CAV3: variants seen among roughly 807,000 people sequenced by gnomAD.
The protein encoded by CAV3 is caveolin 3, also known as caveolin-3.
In CAV3, 10 loss-of-function variants were observed where a neutral mutation model predicts 13.4. That is an observed-to-expected ratio of 0.75 (90% CI 0.46 to 1.27). The LOEUF (loss-of-function observed/expected upper bound fraction) is 1.27, where lower values mean the gene tolerates loss of function less well. Ranked by LOEUF, CAV3 falls within the 50% of genes most tolerant of loss-of-function variation. The pLI is 0.00. For synonymous variants in CAV3, 90 were observed against 79.0 expected, an observed-to-expected ratio of 1.14 and a Z score of -0.74; for missense variants, 162 against 194.0, an observed-to-expected ratio of 0.83 and a Z score of 0.98.
At chr3:8,743,418 A>AAGCCAGCCAGCC (rs1708042890) in intron 1 of CAV3, among the ~76,000 whole-genome samples, 1 of 152,126 alleles carries the variant, frequency 6.6e-6, no homozygotes, top group Non-Finnish European at 1.5e-5. Flanking sequence ...CACCTCCTGG[A>AAGCCAGCCAGCC]AGCCCTCCAA....
chr3:8,734,079 A>T, intron 1 of CAV3, 89 bp downstream of exon 1: 1 of 752,094 alleles, frequency 1.3e-6, no homozygotes, highest in Non-Finnish European at 2.4e-6. Flanking sequence ...TGCTGCAGAC[A>T]CAGTTTCCCT....
At chr3:8,741,941 C>T (rs1352220874) in intron 1 of CAV3, among the ~76,000 whole-genome samples, 5 of 152,178 alleles carry the variant, frequency 3.3e-5, no homozygotes, top group Non-Finnish European at 7.3e-5. Flanking sequence ...AGAATGTGCA[C>T]CATCGTTCCC....
At chr3:8,743,697 A>T (rs1483207870) in intron 1 of CAV3, among the ~76,000 whole-genome samples, 1 of 152,096 alleles carries the variant, frequency 6.6e-6, no homozygotes, top group African/African-American at 2.4e-5. Flanking sequence ...GCACAGGGGG[A>T]TCAGGGACCT....
chr3:8,742,096 T>C (rs552160456), intron 1 of CAV3, among the ~76,000 whole-genome samples: 19 of 152,296 alleles, frequency 1.2e-4, no homozygotes, highest in African/African-American at 4.6e-4. Context: ...AGTCACCGTA[T>C]GCTTGTGCTG....
At chr3:8,742,122 T>C (rs1372428072) in intron 1 of CAV3, among the ~76,000 whole-genome samples, 1 of 152,156 alleles carries the variant, frequency 6.6e-6, no homozygotes, top group East Asian at 1.9e-4. Flanking sequence ...TACAGCTGCC[T>C]AGAGCTGCCT....
intron 1 of CAV3, among the ~76,000 whole-genome samples, chr3:8,737,463 A>G (rs908988288): frequency 1.3e-5 from 2 of 152,024 alleles, no homozygotes; most frequent in African/African-American, 4.8e-5. Flanking sequence ...CCCCCAGTAG[A>G]GGGGAGGCAC....
rs1379980456 is a variant in CAV3 at position 8,746,058 on chromosome 3, G to C, written c.*191G>C. On this transcript the variant is annotated 3_prime_UTR_variant, in exon 2 of 2. Transcript: ENST00000343849. ...AGCCACAGAAGCACAATGGCCCTTC[G>C]CTCTCCCCCAGCCCCACCATGATGC... 3.4e-6 allele frequency: 2 copies of C among 582,998 alleles called. No homozygotes were observed. The highest frequency in any genetic ancestry group is 6.0e-5 in the Admixed American group (2 of 33,392). The allele number at this position is 582,998 out of a possible 1,614,324, so 36.1% of individuals were successfully genotyped here.
chr3:8,746,035 C>G lies in CAV3; in HGVS notation c.*168C>G, dbSNP rs1398950144. ...AAGCCAGAAAGAAAAGACGGCCCAG[C>G]CACAGAAGCACAATGGCCCTTCGCT... On this transcript the variant is annotated 3_prime_UTR_variant, in exon 2 of 2. Coordinates refer to ENST00000343849, the MANE Select transcript of CAV3 (RefSeq NM_033337.3). The G allele has an allele frequency of 1.7e-6, 1 of 605,386 alleles. No individual in the cohort carries two copies. 37.5% of individuals were successfully genotyped at this position (605,386 alleles called of 1,614,324 possible).
At chr3:8,743,548 C>G (rs1016427511) in intron 1 of CAV3, among the ~76,000 whole-genome samples, 2 of 152,136 alleles carry the variant, frequency 1.3e-5, no homozygotes, top group African/African-American at 4.8e-5. Flanking sequence ...AAGCTGGGGG[C>G]CAAGATTATA....
intron 1 of CAV3, among the ~76,000 whole-genome samples, chr3:8,739,909 G>A (rs571130996): frequency 6.6e-6 from 1 of 152,134 alleles, no homozygotes; most frequent in East Asian, 1.9e-4. Flanking sequence ...TGGTGGCTGA[G>A]GCTGCAATCA....
In CAV3 at chr3:8,745,781, T is replaced by C. The variant is rs1428912621; in HGVS notation, c.370T>C (p.Cys124Arg). Residue 124 changes from cysteine to arginine, a missense_variant, in exon 2 of 2, where the codon TGC (cysteine) becomes CGC (arginine). By Grantham distance (180) the Cys-to-Arg change is radical. Coordinates refer to ENST00000343849, the MANE Select transcript of CAV3 (RefSeq NM_033337.3). This position sits in a 1 kb window ranked among gnomAD's most constrained non-coding sequence, Gnocchi z 4.8. The stretch of plus-strand genomic sequence containing the variant: ...GTGCATCAGCCACATCTACTCACTC[T>C]GCATCCGCACCTTCTGCAACCCACT... ...IQCISHIYSL[C>R]IRTFCNPLFA... The C allele has an allele frequency of 6.2e-7, 1 of 1,613,972 alleles. No individual in the cohort carries two copies. Among genetic ancestry groups the C allele is most frequent in the African/African-American group, 1.3e-5 (1 of 74,936 alleles).
rs556624964 is a variant in CAV3, at chr3:8,734,013, G to A, written c.114+23G>A. The A allele has an allele frequency of 6.1e-5, 86 of 1,419,438 alleles. 1 individual carries two copies. The highest frequency in any genetic ancestry group is 4.7e-4 in the South Asian group (41 of 87,220). The allele number at this position is 1,419,438 out of a possible 1,614,324, so 87.9% of individuals were successfully genotyped here. A position where few individuals can be genotyped will look rare whatever the true frequency, so the allele number is the denominator to read the frequency against. On this transcript the variant is annotated intron_variant, in intron 1 of 1. Coordinates refer to ENST00000343849, the MANE Select transcript of CAV3 (RefSeq NM_033337.3). Reference sequence around the variant, plus strand: ...AAGGTAGGCTCTGCAGGCCTGCCTCGGCGGGCGGAGAGTGTCAGGTTTGCG... The same window carrying A: ...AAGGTAGGCTCTGCAGGCCTGCCTCAGCGGGCGGAGAGTGTCAGGTTTGCG...
At chr3:8,740,995 G>A (rs1357628285) in intron 1 of CAV3, among the ~76,000 whole-genome samples, 1 of 152,252 alleles carries the variant, frequency 6.6e-6, no homozygotes, top group East Asian at 1.9e-4. Flanking sequence ...CATGCATAAA[G>A]GGCCATATAC....
rs546273544 is a variant in CAV3 at position 8,745,456 on chromosome 3, C to G, written c.115-70C>G. The G allele has an allele frequency of 6.5e-5, 79 of 1,223,006 alleles. No homozygotes were observed. The Admixed American group carries it at 1.3e-3, about 19-fold the overall frequency. 75.8% of individuals were successfully genotyped at this position (1,223,006 alleles called of 1,614,324 possible). A position where few individuals can be genotyped will look rare whatever the true frequency, so the allele number is the denominator to read the frequency against. On this transcript the variant is annotated intron_variant, in intron 1 of 1. Transcript: ENST00000343849. This position sits in a 1 kb window ranked among gnomAD's most constrained non-coding sequence, Gnocchi z 4.8. The stretch of plus-strand genomic sequence containing the variant: ...CCTCTAGGGGATTCTGACACATGCA[C>G]GCACACACCCAAAAGCTTGAGAAGC...
In CAV3 at chr3:8,733,848, C is replaced by G. The variant is rs1203043550; in HGVS notation, c.-29C>G. 1.4e-6 allele frequency: 2 copies of G among 1,405,148 alleles called. No individual in the cohort carries two copies. The highest frequency in any genetic ancestry group is 4.6e-5 in the East Asian group (2 of 43,936). 87.0% of individuals were successfully genotyped at this position (1,405,148 alleles called of 1,614,324 possible). ...CCCCAGCCGGCCACACAGCTCGGAT[C>G]TCCTCCTGTGGATCCCCCCAGCTCT... On this transcript the variant is annotated 5_prime_UTR_variant, in exon 1 of 2. It adds an upstream start codon to the 5' untranslated region. Coordinates refer to ENST00000343849, the MANE Select transcript of CAV3 (RefSeq NM_033337.3).
chr3:8,743,939 T>C (rs1052163011), intron 1 of CAV3, among the ~76,000 whole-genome samples: 4 of 152,174 alleles, frequency 2.6e-5, no homozygotes, highest in South Asian at 2.1e-4. Flanking sequence ...ATGAAAGTAA[T>C]TTTAATATTG....
chr3:8,739,921 C>A (rs151462), intron 1 of CAV3, among the ~76,000 whole-genome samples: 1 of 151,874 alleles, frequency 6.6e-6, no homozygotes, highest in African/African-American at 2.4e-5. Context: ...CTGCAATCAC[C>A]TGGGGGCTCC....
intron 1 of CAV3, among the ~76,000 whole-genome samples, chr3:8,738,623 T>G (rs1707841911): frequency 6.6e-6 from 1 of 152,170 alleles, no homozygotes; most frequent in African/African-American, 2.4e-5. Flanking sequence ...GGACAGGTGG[T>G]ATCCATGGTG....
intron 1 of CAV3, among the ~76,000 whole-genome samples, chr3:8,734,564 C>T (rs537288327): frequency 7.2e-5 from 11 of 152,252 alleles, no homozygotes; most frequent in East Asian, 1.9e-4. Context: ...AGACGGCACC[C>T]GGGACCCTCG....
Sources: gnomAD v4.1 joint callset for allele counts (sites outside exome capture counted in the v4.1 genomes callset) on GRCh38, gnomAD v4.1.1 for gene constraint, Gnocchi (gnomAD v3.1) non-coding constraint, MANE v1.5 for transcripts, NCBI Gene and HGNC (gene_info 2026-07-23, HGNC 2026-07-21) for gene names.